FIGN: variants seen among roughly 807,000 people sequenced by gnomAD.
The protein encoded by FIGN is fidgetin, microtubule severing factor, also known as fidgetin.
FIGN carries 11 observed loss-of-function variants against 51.3 expected under a neutral mutation model. The ratio of observed to expected loss-of-function variants is 0.21; its 90% CI spans 0.13 to 0.35. FIGN has a LOEUF of 0.35. FIGN is among the 10% of genes least tolerant of loss of function. The pLI is 1.00. For missense variants in FIGN, 857 were observed against 943.6 expected, an observed-to-expected ratio of 0.91 and a Z score of 1.20; for synonymous variants, 407 against 363.2, an observed-to-expected ratio of 1.12 and a Z score of -1.37.
chr2:163,715,955 C>T (rs1024184066), intron 2 of FIGN, among the ~76,000 whole-genome samples: 3 of 152,194 alleles, frequency 2.0e-5, no homozygotes, highest in African/African-American at 7.2e-5. Context: ...TATGCAAATT[C>T]TACCTCTGGT....
At position 163,610,973 on chromosome 2, in the gene FIGN, G is replaced by C; in HGVS notation, c.859C>G (p.Pro287Ala). 1 of 1,613,924 alleles carries C rather than the reference G, an allele frequency of 6.2e-7. No individual in the cohort carries two copies. The highest frequency in any genetic ancestry group is 1.1e-5 in the South Asian group (1 of 91,086). Reference protein sequence around the residue: ...SGIPAPTPLPPTTVPGYTYQG... With the variant: ...SGIPAPTPLPATTVPGYTYQG... ...TAGGTGTAGCCAGGAACAGTGGTGG[G>C]GGGTAGGGGGGTGGGAGCAGGAATT... The change falls in exon 3 of 3, where the codon CCC becomes GCC. Residue 287 changes from proline to alanine, a missense_variant. Coordinates refer to ENST00000333129, the MANE Select transcript of FIGN (RefSeq NM_018086.4).
chr2:163,613,534 C>T (rs16848716), intron 2 of FIGN, among the ~76,000 whole-genome samples: 13,663 of 152,096 alleles, frequency 0.09, 1,173 homozygotes, highest in East Asian at 0.33. Context: ...AGTTTGGTAA[C>T]AGAATGGCAT....
intron 2 of FIGN, among the ~76,000 whole-genome samples, chr2:163,661,012 T>C (rs1337343744): frequency 7.1e-6 from 1 of 141,226 alleles, no homozygotes; most frequent in African/African-American, 2.7e-5. Flanking sequence ...GCCTCCCAAG[T>C]AGCTGGTATT....
In FIGN at chr2:163,610,450, A is replaced by G; in HGVS notation, c.1382T>C (p.Leu461Pro). ...GATGAGGTGCGTGTCAGTATTCTTC[A>G]GTTGCTCGTCCACAGAGTGGTTGGA... ...TSSNHSVDEQ[L>P]KNTDTHLIDL... Residue 461 changes from leucine to proline, a missense_variant, in exon 3 of 3, where the codon CTG becomes CCG. This residue lies in a region of FIGN where 799 missense variants were observed against 849.5 expected (regional missense o/e 0.94). Coordinates refer to ENST00000333129, the MANE Select transcript of FIGN (RefSeq NM_018086.4). 1 of 1,614,102 alleles carries G rather than the reference A, an allele frequency of 6.2e-7. No homozygotes were observed. The highest frequency in any genetic ancestry group is 8.5e-7 in the Non-Finnish European group (1 of 1,180,024).
intron 2 of FIGN, among the ~76,000 whole-genome samples, chr2:163,730,749 A>T (rs558996767): frequency 2.6e-5 from 4 of 152,214 alleles, no homozygotes; most frequent in African/African-American, 9.6e-5. Flanking sequence ...AACAGCAGAT[A>T]TGCTGATTAA....
At chr2:163,720,958 T>C (rs377402995) in intron 2 of FIGN, among the ~76,000 whole-genome samples, 1 of 151,942 alleles carries the variant, frequency 6.6e-6, no homozygotes, top group East Asian at 1.9e-4. Flanking sequence ...CTGTCAACTA[T>C]GCATATAGGG....
rs1378540132 is a variant in FIGN, at chr2:163,602,748, T to A, written c.*6804A>T. On this transcript the variant is annotated 3_prime_UTR_variant, in exon 3 of 3. Transcript: ENST00000333129. Reference sequence around the variant, plus strand: ...AAATATCTGCCTTGAACCACATTTTTAATTCTTCAATGGTTACTACTGAAA... The same window carrying A: ...AAATATCTGCCTTGAACCACATTTTAAATTCTTCAATGGTTACTACTGAAA... The A allele has an allele frequency of 6.6e-6, 1 of 152,098 alleles. No homozygotes were observed. Among genetic ancestry groups the A allele is most frequent in the East Asian group, 1.9e-4 (1 of 5,194 alleles). The allele number at this position is 152,098 out of a possible 1,614,324, so 9.4% of individuals were successfully genotyped here.
chr2:163,605,931 C>T lies in FIGN; in HGVS notation c.*3621G>A, dbSNP rs150664218. 3.3e-3 allele frequency: 491 copies of T among 149,968 alleles called. 6 individuals carry two copies. Among genetic ancestry groups the T allele is most frequent in the African/African-American group, 0.011 (465 of 40,834 alleles). 9.3% of individuals were successfully genotyped at this position (149,968 alleles called of 1,614,324 possible). On this transcript the variant is annotated 3_prime_UTR_variant, in exon 3 of 3. Coordinates refer to ENST00000333129, the MANE Select transcript of FIGN (RefSeq NM_018086.4). ...TTTTTTGGATGTGTTCTTTTGAAAA[C>T]TGCATAGCCAAGTACTATGCAACCC... is the stretch of plus-strand genomic sequence containing the variant.
At chr2:163,707,981 AT>A (rs1179304908) in intron 2 of FIGN, among the ~76,000 whole-genome samples, 5 of 152,144 alleles carry the variant, frequency 3.3e-5, no homozygotes, top group African/African-American at 1.2e-4. Context: ...ATCAAATCCT[AT>A]TTGTCTTTAT....
At chr2:163,647,054 C>T (rs915392185) in intron 2 of FIGN, among the ~76,000 whole-genome samples, 4 of 152,168 alleles carry the variant, frequency 2.6e-5, no homozygotes, top group African/African-American at 7.2e-5. Context: ...AAGTTAACAA[C>T]ATAAAAGCAC....
chr2:163,633,812 A>G (rs1198408442), intron 2 of FIGN, among the ~76,000 whole-genome samples: 1 of 152,202 alleles, frequency 6.6e-6, no homozygotes, highest in East Asian at 1.9e-4. Context: ...TCCAGAACCT[A>G]TCGATTCAAT....
chr2:163,650,484 T>C (rs1387268056), intron 2 of FIGN, among the ~76,000 whole-genome samples: 4 of 152,082 alleles, frequency 2.6e-5, no homozygotes, highest in African/African-American at 7.2e-5. Context: ...AGGTGGTTTG[T>C]TGCACTAATC....
intron 2 of FIGN, among the ~76,000 whole-genome samples, chr2:163,635,464 A>G (rs897055373): frequency 6.6e-6 from 1 of 152,128 alleles, no homozygotes; most frequent in Non-Finnish European, 1.5e-5. Context: ...CATTTATTCA[A>G]GAGGCTGAAG....
At chr2:163,691,885 A>G (rs988881406) in intron 2 of FIGN, among the ~76,000 whole-genome samples, 1 of 152,176 alleles carries the variant, frequency 6.6e-6, no homozygotes, top group Non-Finnish European at 1.5e-5. Flanking sequence ...CAAAGAAAAG[A>G]CAAATCCAAA....
chr2:163,723,556 A>T (rs547926035), intron 2 of FIGN, among the ~76,000 whole-genome samples: 2 of 152,302 alleles, frequency 1.3e-5, no homozygotes, highest in South Asian at 4.1e-4. Context: ...ACTGACCTGG[A>T]TACCAAAGTC....
intron 2 of FIGN, among the ~76,000 whole-genome samples, chr2:163,697,566 T>C (rs1281186835): frequency 6.6e-6 from 1 of 152,130 alleles, no homozygotes; most frequent in Non-Finnish European, 1.5e-5. Flanking sequence ...TTCAACACTA[T>C]ACCTCATCCC....
chr2:163,612,708 G>GTC (rs1302160430), intron 2 of FIGN: 2 of 447,472 alleles, frequency 4.5e-6, no homozygotes, highest in African/African-American at 4.3e-5. Context: ...GTGTGTGTGT[G>GTC]TGTGTGTGTG....
At chr2:163,648,582 C>G (rs1683419991) in intron 2 of FIGN, among the ~76,000 whole-genome samples, 1 of 152,152 alleles carries the variant, frequency 6.6e-6, no homozygotes, top group African/African-American at 2.4e-5. Flanking sequence ...GTGCGTTTTT[C>G]TAGAAAGATT....
At chr2:163,668,803 T>C (rs1335051070) in intron 2 of FIGN, among the ~76,000 whole-genome samples, 1 of 151,342 alleles carries the variant, frequency 6.6e-6, no homozygotes, top group Non-Finnish European at 1.5e-5. Context: ...TAGCCGGGCG[T>C]GGTGGCGGGC....
Sources: allele counts gnomAD v4.1 joint callset (sites outside exome capture counted in the v4.1 genomes callset), GRCh38; gene constraint gnomAD v4.1.1; regional missense constraint gnomAD v4.1.1; transcripts MANE v1.5; gene names NCBI Gene and HGNC (gene_info 2026-07-23, HGNC 2026-07-21).